The following MAP1LC3A variants were observed in gnomAD, a reference collection of about 807,000 sequenced individuals.
MAP1LC3A encodes the protein microtubule associated protein 1 light chain 3 alpha.
In MAP1LC3A, 10 loss-of-function variants were observed where a neutral mutation model predicts 15.2. That is an observed-to-expected ratio of 0.66 (90% CI 0.41 to 1.12). The LOEUF (loss-of-function observed/expected upper bound fraction) is 1.12. Ranked by LOEUF, MAP1LC3A falls within the 50% of genes most tolerant of loss-of-function variation. The pLI is 0.00. For synonymous variants in MAP1LC3A, 63 were observed against 64.3 expected (o/e 0.98, Z 0.10); for missense variants, 138 against 167.3 (o/e 0.82, Z 0.97).
chr20:34,553,171 C>G (rs894358188), intron 2 of MAP1LC3A, among the ~76,000 whole-genome samples: 2 of 151,878 alleles, frequency 1.3e-5, no homozygotes, highest in Admixed American at 6.6e-5. Context: ...ACCTAGGTGA[C>G]GAGCGAAATT....
At chr20:34,553,015 C>T (rs1303764796) in intron 2 of MAP1LC3A, among the ~76,000 whole-genome samples, 2 of 152,176 alleles carry the variant, frequency 1.3e-5, no homozygotes, top group East Asian at 3.9e-4. Context: ...ATGGTGAAAC[C>T]CCGTCTCTAC....
At chr20:34,558,246 T>C (rs770798515), upstream of MAP1LC3A, 33 of 983,034 alleles carry the variant, frequency 3.4e-5, no homozygotes, top group Non-Finnish European at 4.0e-5. The surrounding 1 kb of genome is among the most constrained non-coding windows in gnomAD (Gnocchi z 4.3). Context: ...TCAATTATAT[T>C]ATTCTTTTTC....
rs1181985329 is a variant in MAP1LC3A at position 34,549,912 on chromosome 20, T to C, written c.-66T>C. 1.4e-5 allele frequency: 20 copies of C among 1,450,904 alleles called. No homozygotes were observed. In the East Asian group the frequency reaches 2.7e-4, roughly 20 times the overall value. The allele number at this position is 1,450,904 out of a possible 1,614,324, so 89.9% of individuals were successfully genotyped here. A position where few individuals can be genotyped will look rare whatever the true frequency, so the allele number is the denominator to read the frequency against. On this transcript the variant is annotated 5_prime_UTR_variant, in exon 2 of 5. Transcript: ENST00000374837. ...AGGCCCTGTTTCCCCCAGGACTCCATGGCTTCCGAGTTGCTGACTGACCCT... is the reference window on the plus strand; with the variant it reads ...AGGCCCTGTTTCCCCCAGGACTCCACGGCTTCCGAGTTGCTGACTGACCCT...
intron 2 of MAP1LC3A, among the ~76,000 whole-genome samples, chr20:34,553,523 G>A (rs1445927919): frequency 6.6e-6 from 1 of 152,138 alleles, no homozygotes; most frequent in Admixed American, 6.5e-5. Flanking sequence ...ACTTTCCAAG[G>A]CTGACCCAGT....
chr20:34,554,948 T>G (rs1221526759), upstream of MAP1LC3A, among the ~76,000 whole-genome samples: 1 of 151,820 alleles, frequency 6.6e-6, no homozygotes, highest in Non-Finnish European at 1.5e-5. Context: ...ACTCAAGTGA[T>G]CTGCCTGCCT....
At position 34,559,894 on chromosome 20, in the gene MAP1LC3A, T is replaced by G. The variant is rs201519741; in HGVS notation, c.362T>G (p.Phe121Cys). Residue 121 changes from phenylalanine (F) to cysteine (C), a missense_variant, in exon 4 of 4, where the codon TTC (phenylalanine) becomes TGC (cysteine). Coordinates refer to ENST00000360668, the MANE Select transcript of MAP1LC3A (RefSeq NM_032514.4). ...TACGCCTCCCAGGAAACCTTCGGCT[T>G]CTGAGCCAGCAGTAGGGGGGCTCGG... ...MVYASQETFG[F>C] 3.0e-4 allele frequency: 489 copies of G among 1,609,926 alleles called. No homozygotes were observed. The highest frequency in any genetic ancestry group is 3.7e-4 in the Non-Finnish European group (432 of 1,178,412).
intron 2 of MAP1LC3A, among the ~76,000 whole-genome samples, chr20:34,551,800 G>T (rs796209444): frequency 8.0e-5 from 12 of 150,230 alleles, no homozygotes; most frequent in African/African-American, 2.8e-4. Context: ...GGTCACATTA[G>T]TGAGTGTACT....
chr20:34,550,842 C>T (rs150197270), intron 2 of MAP1LC3A, among the ~76,000 whole-genome samples: 3 of 152,276 alleles, frequency 2.0e-5, no homozygotes, highest in Non-Finnish European at 4.4e-5. Flanking sequence ...AACACTGTCA[C>T]AGAAACGTTC....
At chr20:34,547,417 CTT>C (rs935450076) in intron 1 of MAP1LC3A, among the ~76,000 whole-genome samples, 18 of 121,044 alleles carry the variant, frequency 1.5e-4, no homozygotes, top group Middle Eastern at 4.7e-3. Flanking sequence ...CGCTCCCCAC[CTT>C]TTTTTTTTTT....
intron 1 of MAP1LC3A, 102 bp downstream of exon 1, chr20:34,559,010 CCCTCGGGCTGGGA>C: frequency 7.5e-7 from 1 of 1,338,740 alleles, no homozygotes; most frequent in Admixed American, 4.1e-5. Flanking sequence ...TCTGGCTGGA[CCCTCGGGCTGGGA>C]CCAGCTCCGG....
upstream of MAP1LC3A, among the ~76,000 whole-genome samples, chr20:34,555,127 C>G (rs1982104475): frequency 6.6e-6 from 1 of 151,184 alleles, no homozygotes; most frequent in Non-Finnish European, 1.5e-5. Context: ...TGTGTGCCAC[C>G]AAAGCCAGCG....
chr20:34,560,112 ATGGGGGAGGG>A lies in MAP1LC3A; in HGVS notation c.*220_*229del, dbSNP rs903904528. The stretch of plus-strand genomic sequence containing the variant: ...GTCCCTCTGGGTGCTGGCTGGTGGG[ATGGGGGAGGG>A]TGGGGAGCAGCTCCCAGCACCCCTG... On this transcript the variant is annotated 3_prime_UTR_variant, in exon 4 of 4. Transcript: ENST00000360668. 2.5e-5 allele frequency: 7 copies of A among 279,278 alleles called. No individual in the cohort carries two copies. The highest frequency in any genetic ancestry group is 4.9e-5 in the Non-Finnish European group (7 of 142,564). The allele number at this position is 279,278 out of a possible 1,614,324, so 17.3% of individuals were successfully genotyped here.
Position 34,547,493 on chromosome 20 carries a change from C to A in MAP1LC3A, c.-74+577C>A, listed in dbSNP as rs187984854. Reference sequence around the variant, plus strand: ...TGATATGGTCTGGCTCTGCCCCACCCAAAATCTCATCTTGAATTATAATCC... The same window carrying A: ...TGATATGGTCTGGCTCTGCCCCACCAAAAATCTCATCTTGAATTATAATCC... On this transcript the variant is annotated intron_variant, in intron 1 of 4. Coordinates refer to the MAP1LC3A transcript ENST00000374837. 6.7e-5 allele frequency among the ~76,000 whole-genome samples: 10 copies of A among 150,086 alleles called. No individual in the cohort carries two copies. The East Asian group carries it at 2.0e-3, about 29-fold the overall frequency.
In MAP1LC3A at chr20:34,558,824, C is replaced by A. The variant is rs766474781; in HGVS notation, c.-45C>A. ...GAGCCCCCAAACCGCAGACACATCCCCGCGCCCCAGAGCCCCGGCCTGCGC... is the reference window on the plus strand; with the variant it reads ...GAGCCCCCAAACCGCAGACACATCCACGCGCCCCAGAGCCCCGGCCTGCGC... On this transcript the variant is annotated 5_prime_UTR_variant, in exon 1 of 4. Transcript: ENST00000360668. The surrounding 1 kb of genome is among the most constrained non-coding windows in gnomAD (Gnocchi z 4.3). 1 of 1,423,170 alleles carries A rather than the reference C, an allele frequency of 7.0e-7. No homozygotes were observed. The highest frequency in any genetic ancestry group is 9.1e-7 in the Non-Finnish European group (1 of 1,095,380). 88.2% of individuals were successfully genotyped at this position (1,423,170 alleles called of 1,614,324 possible).
chr20:34,556,613 T>C (rs2146677071), upstream of MAP1LC3A, among the ~76,000 whole-genome samples: 1 of 152,074 alleles, frequency 6.6e-6, no homozygotes, highest in Admixed American at 6.5e-5. Flanking sequence ...TTTTTTTTTT[T>C]CGAGACAGAG....
chr20:34,555,846 CTTTTT>C (rs536070432), upstream of MAP1LC3A, among the ~76,000 whole-genome samples: 3 of 130,510 alleles, frequency 2.3e-5, no homozygotes, highest in Admixed American at 7.6e-5. Flanking sequence ...AGTTTTCTTT[CTTTTT>C]TTTTTTTTTT....
chr20:34,555,095 C>T (rs2146675320), upstream of MAP1LC3A, among the ~76,000 whole-genome samples: 1 of 151,672 alleles, frequency 6.6e-6, no homozygotes, highest in Non-Finnish European at 1.5e-5. Flanking sequence ...AACGATCCTT[C>T]CTGAGTAGTT....
exon 2 of MAP1LC3A, chr20:34,549,930 C>T: frequency 6.3e-7 from 1 of 1,579,176 alleles, no homozygotes; most frequent in Non-Finnish European, 8.7e-7. Flanking sequence ...GAGTTGCTGA[C>T]TGACCCTCCA....
Position 34,558,761 on chromosome 20 carries a change from A to G in MAP1LC3A, c.-108A>G. On this transcript the variant is annotated 5_prime_UTR_variant, in exon 1 of 4. Transcript: ENST00000360668. The surrounding 1 kb of genome is among the most constrained non-coding windows in gnomAD (Gnocchi z 4.3). Reference sequence around the variant, plus strand: ...AGCCGCAGCCGCCGTGCTCAGCGCGAGCCCCGGAGCCCTTGAGCGCGAGGC... The same window carrying G: ...AGCCGCAGCCGCCGTGCTCAGCGCGGGCCCCGGAGCCCTTGAGCGCGAGGC... The G allele has an allele frequency of 7.5e-7, 1 of 1,327,844 alleles. No homozygotes were observed. The highest frequency in any genetic ancestry group is 9.6e-7 in the Non-Finnish European group (1 of 1,045,784). The allele number at this position is 1,327,844 out of a possible 1,614,324, so 82.3% of individuals were successfully genotyped here.
Sources: gnomAD v4.1 joint callset for allele counts (sites outside exome capture counted in the v4.1 genomes callset) on GRCh38, gnomAD v4.1.1 for gene constraint, Gnocchi (gnomAD v3.1) non-coding constraint, MANE v1.5 for transcripts, NCBI Gene and HGNC (gene_info 2026-07-23, HGNC 2026-07-21) for gene names.